AUH: variants seen among roughly 807,000 people sequenced by gnomAD.
AUH encodes AU RNA binding methylglutaconyl-CoA hydratase.
In AUH, 29 loss-of-function variants were observed where a neutral mutation model predicts 42.3. The ratio of observed to expected loss-of-function variants is 0.69; its 90% confidence interval spans 0.51 to 0.93. AUH has a LOEUF of 0.93. AUH is among the 40% of genes least tolerant of loss of function. The probability of loss-of-function intolerance (pLI) is 0.00; values close to 1 mark genes in which losing one functional copy is unlikely to be tolerated. For missense variants in AUH, 452 were observed against 438.1 expected (o/e 1.03, Z -0.28); for synonymous variants, 174 against 166.4 (o/e 1.05, Z -0.35).
chr9:91,232,444 T>C (rs1443628103), intron 6 of AUH, among the ~76,000 whole-genome samples: 1 of 152,098 alleles, frequency 6.6e-6, no homozygotes, highest in African/African-American at 2.4e-5. Context: ...CAGTTAAAAA[T>C]AAATTTTAAA....
At chr9:91,228,260 C>T (rs1232099967) in intron 6 of AUH, among the ~76,000 whole-genome samples, 2 of 152,242 alleles carry the variant, frequency 1.3e-5, no homozygotes, top group African/African-American at 4.8e-5. Flanking sequence ...AGAGATTCAA[C>T]TTCTTCGTGG....
At chr9:91,313,428 G>T in intron 4 of AUH, among the ~76,000 whole-genome samples, 1 of 152,030 alleles carries the variant, frequency 6.6e-6, no homozygotes, top group Non-Finnish European at 1.5e-5. Flanking sequence ...AAACTTGGCC[G>T]GGCGCGGTGG....
At chr9:91,226,020 T>A (rs1345520816) in intron 6 of AUH, among the ~76,000 whole-genome samples, 3 of 147,456 alleles carry the variant, frequency 2.0e-5, no homozygotes, top group African/African-American at 7.5e-5. Flanking sequence ...TACGTGTGCA[T>A]GTGTCTTTAT....
At chr9:91,242,085 C>T (rs961564539) in intron 6 of AUH, among the ~76,000 whole-genome samples, 3 of 152,218 alleles carry the variant, frequency 2.0e-5, no homozygotes, top group African/African-American at 7.2e-5. Flanking sequence ...CAGGCCTTCT[C>T]GGTCCTGCAC....
At chr9:91,285,556 A>G (rs992759505) in intron 6 of AUH, among the ~76,000 whole-genome samples, 4 of 147,460 alleles carry the variant, frequency 2.7e-5, no homozygotes, top group Admixed American at 6.6e-5. Flanking sequence ...TTTGACTACA[A>G]CAACAGTATT....
chr9:91,337,452 A>G (rs1564115132), intron 3 of AUH, among the ~76,000 whole-genome samples: 1 of 152,188 alleles, frequency 6.6e-6, no homozygotes, highest in Non-Finnish European at 1.5e-5. Flanking sequence ...GGAGTGGACT[A>G]TGGTTAGTTT....
At chr9:91,279,753 A>G (rs1332001278) in intron 6 of AUH, among the ~76,000 whole-genome samples, 2 of 152,178 alleles carry the variant, frequency 1.3e-5, no homozygotes. Context: ...AATTAACATG[A>G]CATTTGGTGG....
intron 6 of AUH, among the ~76,000 whole-genome samples, chr9:91,247,289 A>G (rs1262696205): frequency 5.3e-5 from 8 of 152,156 alleles, no homozygotes. Context: ...TAAGGGGGGC[A>G]GCTAACTCTC....
At chr9:91,298,846 TCTATTA>T (rs1827553473) in intron 4 of AUH, among the ~76,000 whole-genome samples, 1 of 152,246 alleles carries the variant, frequency 6.6e-6, no homozygotes. Flanking sequence ...AAAGCAGAAC[TCTATTA>T]ATTTTATTTC....
At chr9:91,268,250 T>C (rs1310906001) in intron 6 of AUH, among the ~76,000 whole-genome samples, 1 of 152,228 alleles carries the variant, frequency 6.6e-6, no homozygotes, top group South Asian at 2.1e-4. Flanking sequence ...GCTTCAGCAG[T>C]ATTCCATAGG....
chr9:91,315,523 C>CT (rs937497839), intron 4 of AUH, among the ~76,000 whole-genome samples: 4 of 152,108 alleles, frequency 2.6e-5, no homozygotes, highest in Non-Finnish European at 2.9e-5. Flanking sequence ...GAATAGCCAC[C>CT]TTGCAGGCTG....
chr9:91,263,449 A>C (rs756924453), intron 6 of AUH, among the ~76,000 whole-genome samples: 4 of 152,254 alleles, frequency 2.6e-5, no homozygotes, highest in African/African-American at 4.8e-5. Flanking sequence ...TTAAAAGCCA[A>C]GTGTGAAGAA....
At chr9:91,275,284 C>T (rs79017696) in intron 6 of AUH, among the ~76,000 whole-genome samples, 3 of 152,180 alleles carry the variant, frequency 2.0e-5, no homozygotes, top group Non-Finnish European at 4.4e-5. Flanking sequence ...CAAATCACCA[C>T]GGAGCAACAG....
intron 6 of AUH, among the ~76,000 whole-genome samples, chr9:91,291,040 T>C (rs73651413): frequency 2.1e-4 from 32 of 152,346 alleles, no homozygotes; most frequent in African/African-American, 7.2e-4. Context: ...CGAGAGGCTC[T>C]GTGAGAAAAT....
chr9:91,275,974 T>C (rs1825506927), intron 6 of AUH, among the ~76,000 whole-genome samples: 1 of 152,162 alleles, frequency 6.6e-6, no homozygotes, highest in Non-Finnish European at 1.5e-5. Context: ...AGTACCAAAA[T>C]AGCTTTCTAA....
chr9:91,297,829 GT>G (rs1446819385), intron 5 of AUH, among the ~76,000 whole-genome samples, 154 bp downstream of exon 5: 8 of 152,092 alleles, frequency 5.3e-5, no homozygotes, highest in African/African-American at 1.2e-4. Flanking sequence ...CTTTTTTCAG[GT>G]GGGAATTTCG....
rs1826683679 is a variant in AUH, at chr9:91,213,982, T to C, written c.*366A>G. 2 of 177,302 alleles carry C rather than the reference T, an allele frequency of 1.1e-5. No homozygotes were observed. Among genetic ancestry groups the C allele is most frequent in the African/African-American group, 4.8e-5 (2 of 41,972 alleles). The allele number at this position is 177,302 out of a possible 1,614,324, so 11.0% of individuals were successfully genotyped here. On this transcript the variant is annotated 3_prime_UTR_variant, in exon 10 of 10. Transcript: ENST00000375731. ...ACATTTTTGGTATATAGAAATTTTA[T>C]TTTCTTAATGCAGCACAGTAGACAT...
chr9:91,276,406 C>G (rs1291443893), intron 6 of AUH, among the ~76,000 whole-genome samples: 1 of 143,996 alleles, frequency 6.9e-6, no homozygotes, highest in East Asian at 2.1e-4. Flanking sequence ...GAGTAAGACC[C>G]TGTCTCCCAA....
At chr9:91,230,286 C>T (rs1006474454) in intron 6 of AUH, among the ~76,000 whole-genome samples, 11 of 152,170 alleles carry the variant, frequency 7.2e-5, no homozygotes, top group African/African-American at 1.4e-4. Flanking sequence ...CTTTCCTTCT[C>T]GCTTCATTTC....
Sources: allele counts gnomAD v4.1 joint callset (sites outside exome capture counted in the v4.1 genomes callset), GRCh38; gene constraint gnomAD v4.1.1; transcripts MANE v1.5; gene names NCBI Gene and HGNC (gene_info 2026-07-23, HGNC 2026-07-21).